The following ZZEF1 variants were observed in gnomAD, a reference collection of about 807,000 sequenced individuals.
ZZEF1 encodes the protein zinc finger ZZ-type and EF-hand domain containing 1, also known as zinc finger ZZ-type and EF-hand domain-containing protein 1.
Under a neutral mutation model 342.8 loss-of-function variants are expected in ZZEF1, and 157 were observed. The ratio of observed to expected loss-of-function variants is 0.46; its 90% confidence interval spans 0.40 to 0.52. The LOEUF (loss-of-function observed/expected upper bound fraction) is 0.52, where lower values mean the gene tolerates loss of function less well. Ranked by LOEUF, ZZEF1 falls within the 20% of genes least tolerant of loss-of-function variation. The probability of loss-of-function intolerance (pLI) is 0.00; values close to 1 mark genes in which losing one functional copy is unlikely to be tolerated. For missense variants in ZZEF1, 3,480 were observed against 3,725.6 expected, an observed-to-expected ratio of 0.93 and a Z score of 1.72; for synonymous variants, 1,505 against 1,429.1, an observed-to-expected ratio of 1.05 and a Z score of -1.20.
chr17:4,118,481 G>A (rs111838059), intron 2 of ZZEF1, among the ~76,000 whole-genome samples: 11,696 of 152,250 alleles, frequency 0.077, 529 homozygotes, highest in South Asian at 0.14. Flanking sequence ...ATCCCTGTCT[G>A]CCACTGACAC....
At chr17:4,010,749 GA>G (rs373033443) in intron 52 of ZZEF1, among the ~76,000 whole-genome samples, 3 of 134,964 alleles carry the variant, frequency 2.2e-5, no homozygotes, top group African/African-American at 8.4e-5. Context: ...AAAGAAAAAA[GA>G]AAAAAAGCAA....
intron 28 of ZZEF1, among the ~76,000 whole-genome samples, chr17:4,066,209 G>A (rs764918577): frequency 7.9e-5 from 12 of 152,254 alleles, no homozygotes; most frequent in African/African-American, 2.4e-4. Flanking sequence ...ACCTGATGCC[G>A]CCTAAGAGAA....
chr17:4,106,598 T>C lies in ZZEF1; in HGVS notation c.1278-789A>G, dbSNP rs114709069. On this transcript the variant is annotated intron_variant, in intron 6 of 54. Coordinates refer to ENST00000381638, the MANE Select transcript of ZZEF1 (RefSeq NM_015113.4). ...ATTAGCACATCACCGTCTCCATTCC[T>C]GCCATGTTTCTTGGCCTTTCCACCT... is the stretch of plus-strand genomic sequence containing the variant. Among the ~76,000 whole-genome samples, 766 of 152,328 alleles carry C rather than the reference T, an allele frequency of 5.0e-3. 6 individuals are homozygous for C. The highest frequency in any genetic ancestry group is 0.017 in the African/African-American group (726 of 41,566).
chr17:4,080,880 C>T (rs1014356592), intron 18 of ZZEF1, among the ~76,000 whole-genome samples: 1 of 152,150 alleles, frequency 6.6e-6, no homozygotes, highest in African/African-American at 2.4e-5. Context: ...CCGTAACATG[C>T]CCTCACTCGT....
Position 4,044,336 on chromosome 17 carries a change from A to G in ZZEF1, c.6054T>C (p.Asp2018=). The change falls in exon 38 of 55, where the codon GAT becomes GAC. Residue 2018 remains aspartate (D), a synonymous_variant. Transcript: ENST00000381638. Reference sequence around the variant, plus strand: ...TATCTGCCTTATTTCTCTGCTTGAAATCTACAGGTCTGATTTCCTCATGAA... The same window carrying G: ...TATCTGCCTTATTTCTCTGCTTGAAGTCTACAGGTCTGATTTCCTCATGAA... The part of the protein sequence containing the change: ...RAVHEEIRPV[D]FKQRNKADKG... 1.2e-6 allele frequency: 2 copies of G among 1,614,038 alleles called. No individual in the cohort carries two copies. The highest frequency in any genetic ancestry group is 1.7e-6 in the Non-Finnish European group (2 of 1,179,964).
At position 4,064,614 on chromosome 17, in the gene ZZEF1, G is replaced by T; in HGVS notation, c.4465C>A (p.Pro1489Thr). Reference protein sequence around the residue: ...AAPPATGDQSPGLGTQPKLPS... With the variant: ...AAPPATGDQSTGLGTQPKLPS... ...AGCTTTGGCTGGGTGCCCAGGCCAG[G>T]ACTCTGGTCTCCTGTGGCAGGGGGT... The change falls in exon 29 of 55, where the codon CCT (proline) becomes ACT (threonine). Residue 1489 changes from proline to threonine, a missense_variant. Transcript: ENST00000381638. 1 of 1,614,162 alleles carries T rather than the reference G, an allele frequency of 6.2e-7. No individual in the cohort carries two copies.
In ZZEF1 at chr17:4,006,186, G is replaced by A. The variant is rs1396593036; in HGVS notation, c.*704C>T. ...GACAGTGTGGTTCTGCTCTAAAAAC[G>A]TGAGGTGGAAACTGAAATATGTCAA... On this transcript the variant is annotated 3_prime_UTR_variant, in exon 55 of 55. Transcript: ENST00000381638. The A allele has an allele frequency of 6.5e-6, 1 of 154,328 alleles. No individual in the cohort carries two copies. Among genetic ancestry groups the A allele is most frequent in the Non-Finnish European group, 1.4e-5 (1 of 69,494 alleles). The allele number at this position is 154,328 out of a possible 1,614,324, so 9.6% of individuals were successfully genotyped here.
intron 35 of ZZEF1, 91 bp downstream of exon 35, chr17:4,051,880 A>T: frequency 7.2e-7 from 1 of 1,387,822 alleles, no homozygotes; most frequent in Non-Finnish European, 9.7e-7. Context: ...TTTAAATAAA[A>T]AAAACTTTTT....
Position 4,070,930 on chromosome 17 carries a change from A to G in ZZEF1, c.3835-6T>C, listed in dbSNP as rs755247416. 19 of 1,607,044 alleles carry G rather than the reference A, an allele frequency of 1.2e-5. No individual in the cohort carries two copies. Among genetic ancestry groups the G allele is most frequent in the Non-Finnish European group, 1.6e-5 (19 of 1,177,480 alleles). On this transcript the variant is annotated splice_region_variant and splice_polypyrimidine_tract_variant and intron_variant, in intron 25 of 54. Transcript: ENST00000381638. ...TCGTCAGGAATGTTCTTAACCTGGA[A>G]ACAAAAAATAAACCCATCACATTTA...
At position 4,009,584 on chromosome 17, in the gene ZZEF1, G is replaced by A; in HGVS notation, c.8733+20C>T. Reference sequence around the variant, plus strand: ...CGCACATGGAGGCACCGGGCTCCCTGCCCAGACCTCAGGCCTCACCTGGGC... The same window carrying A: ...CGCACATGGAGGCACCGGGCTCCCTACCCAGACCTCAGGCCTCACCTGGGC... On this transcript the variant is annotated intron_variant, in intron 53 of 54. Transcript: ENST00000381638. 1 of 1,612,240 alleles carries A rather than the reference G, an allele frequency of 6.2e-7. No homozygotes were observed.
At chr17:4,117,733 T>C (rs1283871036) in intron 2 of ZZEF1, among the ~76,000 whole-genome samples, 2 of 151,710 alleles carry the variant, frequency 1.3e-5, no homozygotes, top group Non-Finnish European at 2.9e-5. Context: ...TTTGTTTCAA[T>C]CCAATCTTCA....
Position 4,070,750 on chromosome 17 carries a change from C to A in ZZEF1, c.4009G>T (p.Val1337Leu), listed in dbSNP as rs764112058. The A allele has an allele frequency of 1.2e-6, 2 of 1,614,132 alleles. No individual in the cohort carries two copies. Among genetic ancestry groups the A allele is most frequent in the South Asian group, 2.2e-5 (2 of 91,080 alleles). The change falls in exon 26 of 55, where the codon GTG becomes TTG. Residue 1337 changes from valine (V) to leucine (L), a missense_variant. Val to Leu is a conservative substitution (Grantham distance 32, BLOSUM62 1). Around this residue, in one of 5 missense-constraint regions of ZZEF1, gnomAD observed 1,528 missense variants for 1,624.1 expected, o/e 0.94. Transcript: ENST00000381638. ...IVAGSTIDQA[V>L]NATFAALVYR... ...ACCAGAGCAGCAAAGGTGGCGTTCA[C>A]AGCTTGATCAATAGTGGAACCAGCA...
At chr17:4,071,136 A>C (rs7220337) in intron 25 of ZZEF1, among the ~76,000 whole-genome samples, 22,825 of 152,230 alleles carry the variant, frequency 0.15, 1,831 homozygotes, top group African/African-American at 0.2. Context: ...CATTCCCGTA[A>C]AGCAAAAGAT....
chr17:4,040,852 T>G (rs989428254), intron 39 of ZZEF1, among the ~76,000 whole-genome samples: 3 of 152,056 alleles, frequency 2.0e-5, no homozygotes, highest in Non-Finnish European at 4.4e-5. Context: ...TACAGTGAAA[T>G]TGGTAAAATC....
Position 4,077,882 on chromosome 17 carries a change from C to A in ZZEF1, c.2989+1G>T. 1 of 1,613,102 alleles carries A rather than the reference C, an allele frequency of 6.2e-7. No homozygotes were observed. The highest frequency in any genetic ancestry group is 8.5e-7 in the Non-Finnish European group (1 of 1,179,530). Reference sequence around the variant, plus strand: ...TTCATGGATTTTATATTGAAACTCACATTTTTCAATAAGGTCCACGGCAAG... The same window carrying A: ...TTCATGGATTTTATATTGAAACTCAAATTTTTCAATAAGGTCCACGGCAAG... On this transcript the variant is annotated splice_donor_variant, in intron 19 of 54. Coordinates refer to ENST00000381638, the MANE Select transcript of ZZEF1 (RefSeq NM_015113.4). LOFTEE classifies it high-confidence loss of function.
intron 39 of ZZEF1, among the ~76,000 whole-genome samples, chr17:4,035,961 G>A (rs990261873): frequency 6.6e-6 from 1 of 151,786 alleles, no homozygotes; most frequent in Non-Finnish European, 1.5e-5. Context: ...TTAGCCGGGT[G>A]TAGTGGTTGG....
chr17:4,049,904 A>G, intron 36 of ZZEF1, 45 bp from the exon 37 acceptor site: 1 of 1,597,906 alleles, frequency 6.3e-7, no homozygotes, highest in South Asian at 1.1e-5. Context: ...TTTTATAATG[A>G]GAGTTCTTTT....
At chr17:4,141,911 A>C (rs2058857879) in intron 1 of ZZEF1, among the ~76,000 whole-genome samples, 1 of 152,218 alleles carries the variant, frequency 6.6e-6, no homozygotes, top group South Asian at 2.1e-4. Context: ...GATCTTGGTG[A>C]TTATATGAAG....
In ZZEF1 at chr17:4,019,675, T is replaced by C. The variant is rs769054752; in HGVS notation, c.7499A>G (p.Gln2500Arg). ...KKTDYFFLEV[Q>R]KRFDGDELTT... is the part of the protein sequence containing the mutation. ...GCACGGAAATGTCCCTTACCTCTTCTGAACCTCCAGGAAGAAATAATCGGT... is the reference window on the plus strand; with the variant it reads ...GCACGGAAATGTCCCTTACCTCTTCCGAACCTCCAGGAAGAAATAATCGGT... Residue 2500 changes from glutamine (Q) to arginine (R), a missense_variant, in exon 46 of 55, where the codon CAG becomes CGG. Gln to Arg is a conservative substitution (Grantham distance 43). Transcript: ENST00000381638. The C allele has an allele frequency of 6.2e-7, 1 of 1,612,670 alleles. No homozygotes were observed. Among genetic ancestry groups the C allele is most frequent in the South Asian group, 1.1e-5 (1 of 90,848 alleles).
Sources: allele counts gnomAD v4.1 joint callset (sites outside exome capture counted in the v4.1 genomes callset), GRCh38; gene constraint gnomAD v4.1.1; regional missense constraint gnomAD v4.1.1; transcripts MANE v1.5; gene names NCBI Gene and HGNC (gene_info 2026-07-23, HGNC 2026-07-21).